TNR: variants seen among roughly 807,000 people sequenced by gnomAD.
TNR encodes tenascin-R.
TNR carries 45 observed loss-of-function variants against 150.4 expected under a neutral mutation model. That is an observed-to-expected ratio of 0.30 (90% CI 0.24 to 0.38). The LOEUF (loss-of-function observed/expected upper bound fraction) is 0.38, where lower values mean the gene tolerates loss of function less well. Ranked by LOEUF, TNR falls within the 10% of genes least tolerant of loss-of-function variation. TNR has a pLI of 1.00. For missense variants in TNR, 1,544 were observed against 1,759.1 expected (o/e 0.88, Z 2.19); for synonymous variants, 687 against 678.4 (o/e 1.01, Z -0.20).
chr1:175,723,425 C>T (rs1667372271), intron 1 of TNR, among the ~76,000 whole-genome samples: 1 of 152,176 alleles, frequency 6.6e-6, no homozygotes, highest in African/African-American at 2.4e-5. Flanking sequence ...TCACTACACT[C>T]CAGGGACTGG....
intron 1 of TNR, among the ~76,000 whole-genome samples, chr1:175,716,697 C>A (rs924804780): frequency 2.4e-4 from 36 of 152,250 alleles, no homozygotes; most frequent in South Asian, 4.1e-4. Context: ...CCAATGAGAC[C>A]AATGATTAGG....
At chr1:175,488,513 G>T (rs1394812763) in intron 2 of TNR, among the ~76,000 whole-genome samples, 1 of 152,186 alleles carries the variant, frequency 6.6e-6, no homozygotes, top group Non-Finnish European at 1.5e-5. Flanking sequence ...GCTGGGCTGG[G>T]AAATTGATTT....
intron 1 of TNR, among the ~76,000 whole-genome samples, chr1:175,588,937 T>A (rs1419032424): frequency 1.3e-5 from 2 of 152,098 alleles, no homozygotes; most frequent in African/African-American, 4.8e-5. Flanking sequence ...GTCGCATTCA[T>A]CTATGGTAAC....
Position 175,718,885 on chromosome 1 carries a change from T to C in TNR, c.-165+24341A>G, listed in dbSNP as rs189977875. ...ATGCAGACATACACTTAGACTCTGT[T>C]GGTGCTGGGCAAGAGAACTATCCCT... On this transcript the variant is annotated intron_variant, in intron 1 of 22. Coordinates refer to ENST00000367674, the MANE Select transcript of TNR (RefSeq NM_003285.3). 1.7e-3 allele frequency among the ~76,000 whole-genome samples: 258 copies of C among 152,310 alleles called. 1 individual carries two copies. The highest frequency in any genetic ancestry group is 5.8e-3 in the African/African-American group (243 of 41,550).
chr1:175,610,098 C>T (rs1663543111), intron 1 of TNR, among the ~76,000 whole-genome samples: 1 of 152,180 alleles, frequency 6.6e-6, no homozygotes, highest in Non-Finnish European at 1.5e-5. Flanking sequence ...TATAACCAGC[C>T]ACCTCAGGAA....
At chr1:175,435,075 A>T (rs1655441182) in intron 2 of TNR, among the ~76,000 whole-genome samples, 1 of 152,178 alleles carries the variant, frequency 6.6e-6, no homozygotes, top group Non-Finnish European at 1.5e-5. Context: ...TGAGTTGGGA[A>T]ACTGTTGGAG....
chr1:175,359,306 C>A (rs572556205), intron 15 of TNR, among the ~76,000 whole-genome samples: 1 of 151,654 alleles, frequency 6.6e-6, no homozygotes, highest in African/African-American at 2.4e-5. Flanking sequence ...CCACCACTTC[C>A]GGCTAATTTT....
At chr1:175,388,640 A>G (rs1241545926) in intron 7 of TNR, among the ~76,000 whole-genome samples, 2 of 152,220 alleles carry the variant, frequency 1.3e-5, no homozygotes, top group Non-Finnish European at 2.9e-5. Flanking sequence ...TTCCATTCCA[A>G]TCAAGGAGGT....
Position 175,524,228 on chromosome 1 carries a change from G to T in TNR, c.-64+4041C>A, listed in dbSNP as rs183116977. ...TCCTTGTGTTCAGAGTCCAGATGGG[G>T]TGTGGCACCTAGTATATGCTACATG... On this transcript the variant is annotated intron_variant, in intron 2 of 22. Coordinates refer to ENST00000367674, the MANE Select transcript of TNR (RefSeq NM_003285.3). 6.7e-3 allele frequency among the ~76,000 whole-genome samples: 1,020 copies of T among 152,160 alleles called. 8 individuals carry two copies. Among genetic ancestry groups the T allele is most frequent in the African/African-American group, 0.022 (915 of 41,504 alleles).
intron 1 of TNR, among the ~76,000 whole-genome samples, chr1:175,621,277 C>A (rs1663967494): frequency 1.3e-5 from 2 of 152,176 alleles, no homozygotes; most frequent in African/African-American, 4.8e-5. Flanking sequence ...CCAGACTAAT[C>A]TTCCTGATCA....
intron 2 of TNR, among the ~76,000 whole-genome samples, chr1:175,488,688 T>C: frequency 6.6e-6 from 1 of 152,238 alleles, no homozygotes; most frequent in East Asian, 1.9e-4. Context: ...ACCGAAGTTC[T>C]ACTATGGGCT....
chr1:175,725,146 G>A (rs1026381013), intron 1 of TNR, among the ~76,000 whole-genome samples: 1 of 152,204 alleles, frequency 6.6e-6, no homozygotes, highest in African/African-American at 2.4e-5. Context: ...GTAGAGAACA[G>A]ATTGGAAAAA....
chr1:175,452,285 A>G (rs1322892054), intron 2 of TNR, among the ~76,000 whole-genome samples: 1 of 152,268 alleles, frequency 6.6e-6, no homozygotes, highest in African/African-American at 2.4e-5. Flanking sequence ...TCAGCAGTGA[A>G]CAAAGCGCCC....
At chr1:175,538,269 G>A (rs144040258) in intron 1 of TNR, among the ~76,000 whole-genome samples, 7 of 152,242 alleles carry the variant, frequency 4.6e-5, no homozygotes, top group African/African-American at 1.7e-4. Context: ...TGACTACAAG[G>A]CCACTGTCTT....
intron 1 of TNR, among the ~76,000 whole-genome samples, chr1:175,707,779 T>A (rs1666881068): frequency 6.6e-6 from 1 of 152,202 alleles, no homozygotes; most frequent in African/African-American, 2.4e-5. Flanking sequence ...CCTGAGGCAC[T>A]CAGCAAACTC....
At chr1:175,546,113 G>A (rs1433340955) in intron 1 of TNR, among the ~76,000 whole-genome samples, 1 of 152,102 alleles carries the variant, frequency 6.6e-6, no homozygotes, top group Non-Finnish European at 1.5e-5. Flanking sequence ...AAATGAAGAG[G>A]CGAAAAATTA....
chr1:175,564,487 C>A (rs540069844), intron 1 of TNR, among the ~76,000 whole-genome samples: 1 of 152,286 alleles, frequency 6.6e-6, no homozygotes, highest in Admixed American at 6.5e-5. Context: ...ATTAATATAT[C>A]AAATGGTACC....
At chr1:175,464,266 T>C (rs543009363) in intron 2 of TNR, among the ~76,000 whole-genome samples, 95 of 152,324 alleles carry the variant, frequency 6.2e-4, no homozygotes, top group African/African-American at 2.1e-3. Flanking sequence ...CCAGGTTAAA[T>C]AGACATGGGT....
At chr1:175,538,358 G>C (rs1660375465) in intron 1 of TNR, among the ~76,000 whole-genome samples, 1 of 152,188 alleles carries the variant, frequency 6.6e-6, no homozygotes, top group Non-Finnish European at 1.5e-5. Context: ...AGAAAAAAAA[G>C]GTTGAAGATA....
Sources: allele counts gnomAD v4.1 joint callset (sites outside exome capture counted in the v4.1 genomes callset), GRCh38; gene constraint gnomAD v4.1.1; transcripts MANE v1.5; gene names NCBI Gene and HGNC (gene_info 2026-07-23, HGNC 2026-07-21).